The following CLIP1 variants were observed in gnomAD, a reference collection of about 807,000 sequenced individuals.
CLIP1 encodes CAP-Gly domain containing linker protein 1.
CLIP1 carries 66 observed loss-of-function variants against 161.6 expected under a neutral mutation model. The observed-to-expected ratio is 0.41, with a 90% confidence interval of 0.33 to 0.50. The LOEUF (loss-of-function observed/expected upper bound fraction) is 0.50. CLIP1 is among the 20% of genes least tolerant of loss of function. The probability of loss-of-function intolerance (pLI) is 0.27; values close to 1 mark genes in which losing one functional copy is unlikely to be tolerated. For missense variants in CLIP1, 1,376 were observed against 1,702.0 expected (o/e 0.81, Z 3.37); for synonymous variants, 598 against 626.2 (o/e 0.96, Z 0.67).
intron 5 of CLIP1, among the ~76,000 whole-genome samples, chr12:122,357,592 C>T (rs1593152868): frequency 1.4e-5 from 2 of 144,554 alleles, no homozygotes; most frequent in South Asian, 4.4e-4. Flanking sequence ...GCCAGCCGCC[C>T]CGTCCGGAAG....
chr12:122,365,574 G>C, intron 3 of CLIP1: 1 of 1,256,318 alleles, frequency 8.0e-7, no homozygotes, highest in Non-Finnish European at 1.2e-6. Flanking sequence ...CACTTTGTGA[G>C]AACCAATGGG....
At chr12:122,314,096 G>C (rs1363734634) in intron 19 of CLIP1, among the ~76,000 whole-genome samples, 1 of 152,020 alleles carries the variant, frequency 6.6e-6, no homozygotes, top group East Asian at 1.9e-4. Flanking sequence ...TTCGAGTACA[G>C]CCTGGCGAAT....
At chr12:122,336,601 C>T (rs745423441) in intron 12 of CLIP1, 31 bp downstream of exon 12, 2 of 1,118,648 alleles carry the variant, frequency 1.8e-6, no homozygotes, top group Admixed American at 1.8e-5. Flanking sequence ...GGCCAGAAAC[C>T]CTGAGATTCA....
chr12:122,377,364 G>C, intron 3 of CLIP1, 25 bp downstream of exon 3: 1 of 1,583,134 alleles, frequency 6.3e-7, no homozygotes, highest in African/African-American at 1.3e-5. Flanking sequence ...TCAATGAAAT[G>C]ACCTCAGAAT....
chr12:122,379,583 A>C (rs1954907930), intron 2 of CLIP1, among the ~76,000 whole-genome samples: 1 of 151,960 alleles, frequency 6.6e-6, no homozygotes, highest in South Asian at 2.1e-4. Context: ...AAAAACAAAG[A>C]AGCAAACAAA....
intron 3 of CLIP1, among the ~76,000 whole-genome samples, chr12:122,369,959 T>G (rs1169053948): frequency 6.6e-6 from 1 of 151,550 alleles, no homozygotes; most frequent in Non-Finnish European, 1.5e-5. Context: ...GGACAGGAAT[T>G]CGAGACCAGC....
chr12:122,388,126 A>T (rs988093789), intron 1 of CLIP1, among the ~76,000 whole-genome samples: 2 of 152,186 alleles, frequency 1.3e-5, no homozygotes, highest in African/African-American at 4.8e-5. Flanking sequence ...TCTACAGCAG[A>T]GGTTCTCAAA....
At chr12:122,399,085 G>C (rs1482753240) in intron 1 of CLIP1, among the ~76,000 whole-genome samples, 1 of 151,840 alleles carries the variant, frequency 6.6e-6, no homozygotes, top group Non-Finnish European at 1.5e-5. Context: ...ATTTCTTAAG[G>C]TTATGTTTAC....
Position 122,348,734 on chromosome 12 carries a change from C to T in CLIP1, c.1402-1255G>A, listed in dbSNP as rs188576428. On this transcript the variant is annotated intron_variant, in intron 9 of 25. Transcript: ENST00000620786. ...GGCTGCTCTCAGCAACTGTCAGTTACGTGCAGTAATTTAAATACTTTGTGG... is the reference window on the plus strand; with the variant it reads ...GGCTGCTCTCAGCAACTGTCAGTTATGTGCAGTAATTTAAATACTTTGTGG... Among the ~76,000 whole-genome samples the T allele has an allele frequency of 2.8e-4, 42 of 152,198 alleles. No homozygotes were observed. In the East Asian group the frequency reaches 6.0e-3, roughly 22 times the overall value.
At chr12:122,406,114 C>G (rs547690493) in intron 1 of CLIP1, among the ~76,000 whole-genome samples, 1 of 152,134 alleles carries the variant, frequency 6.6e-6, no homozygotes, top group South Asian at 2.1e-4. Context: ...GGATAAAGTA[C>G]GAAAGATGAG....
intron 20 of CLIP1, among the ~76,000 whole-genome samples, chr12:122,308,563 T>C (rs770010076): frequency 3.3e-5 from 5 of 152,194 alleles, no homozygotes; most frequent in Non-Finnish European, 7.3e-5. Flanking sequence ...GAAGATGACA[T>C]CTCTTGACAC....
intron 11 of CLIP1, among the ~76,000 whole-genome samples, chr12:122,339,607 G>C (rs1952401613): frequency 6.6e-6 from 1 of 152,198 alleles, no homozygotes; most frequent in Non-Finnish European, 1.5e-5. Flanking sequence ...ACAGGCATGA[G>C]CCACCTTGCC....
intron 20 of CLIP1, among the ~76,000 whole-genome samples, chr12:122,292,511 T>C (rs1400263421): frequency 6.6e-6 from 1 of 152,192 alleles, no homozygotes. Flanking sequence ...TATTCCAAGC[T>C]CACCTTATAC....
intron 19 of CLIP1, among the ~76,000 whole-genome samples, chr12:122,310,345 T>C (rs1951018527): frequency 6.6e-6 from 1 of 152,194 alleles, no homozygotes; most frequent in African/African-American, 2.4e-5. Flanking sequence ...AAAAATCCAA[T>C]GGTCCCATTT....
chr12:122,360,503 C>T (rs888822726), intron 5 of CLIP1, among the ~76,000 whole-genome samples: 1 of 151,486 alleles, frequency 6.6e-6, no homozygotes, highest in Non-Finnish European at 1.5e-5. Context: ...AGCAGGACTG[C>T]TTGAGCCTGG....
intron 1 of CLIP1, among the ~76,000 whole-genome samples, chr12:122,417,375 A>G (rs915278974): frequency 3.0e-4 from 46 of 152,148 alleles, no homozygotes; most frequent in African/African-American, 1.1e-3. Flanking sequence ...CTGAGGCAGG[A>G]GGACGGCTTG....
chr12:122,347,303 T>C (rs1224517033), intron 10 of CLIP1, 72 bp downstream of exon 10: 6 of 1,145,722 alleles, frequency 5.2e-6, no homozygotes, highest in East Asian at 2.4e-5. Context: ...AGGCCAACTA[T>C]AAAGCATGTC....
intron 20 of CLIP1, among the ~76,000 whole-genome samples, chr12:122,293,258 C>T (rs926288301): frequency 7.9e-5 from 12 of 152,172 alleles, no homozygotes; most frequent in African/African-American, 2.4e-4. Context: ...ATCAGGAGAA[C>T]GCAAACTGAA....
intron 1 of CLIP1, among the ~76,000 whole-genome samples, chr12:122,381,508 A>G (rs1050737295): frequency 6.6e-6 from 1 of 152,240 alleles, no homozygotes; most frequent in Admixed American, 6.5e-5. Flanking sequence ...TCACCTCCAT[A>G]GAAAGTGAAT....
Sources: allele counts gnomAD v4.1 joint callset (sites outside exome capture counted in the v4.1 genomes callset), GRCh38; gene constraint gnomAD v4.1.1; transcripts MANE v1.5; gene names NCBI Gene and HGNC (gene_info 2026-07-23, HGNC 2026-07-21).